The following BACH2 variants were observed in gnomAD, a reference collection of about 807,000 sequenced individuals.
The protein encoded by BACH2 is BACH transcriptional regulator 2, also known as transcription regulator protein BACH2.
A neutral mutation model predicts 61.8 loss-of-function variants in BACH2; 5 were observed. The ratio of observed to expected loss-of-function variants is 0.08; its 90% CI spans 0.04 to 0.17. The LOEUF (loss-of-function observed/expected upper bound fraction) is 0.17. Among genes scored for constraint, BACH2 ranks in the 10% least tolerant of loss-of-function variants. BACH2 has a pLI of 1.00. For missense variants in BACH2, 824 were observed against 1,091.1 expected (o/e 0.76, Z 3.45); for synonymous variants, 446 against 440.1 (o/e 1.01, Z -0.17).
At chr6:90,281,739 T>G (rs1771865110) in intron 1 of BACH2, among the ~76,000 whole-genome samples, 1 of 152,246 alleles carries the variant, frequency 6.6e-6, no homozygotes, top group South Asian at 2.1e-4. Context: ...GCACTTTTAT[T>G]TGTTTAACAA....
At position 89,951,228 on chromosome 6, in the gene BACH2, A is replaced by C; in HGVS notation, c.878T>G (p.Leu293Arg). Residue 293 changes from leucine to arginine, a missense_variant, in exon 7 of 9, where the codon CTG (leucine) becomes CGG (arginine). Physicochemically the swap from Leu to Arg is moderately radical, Grantham distance 102 (BLOSUM62 -2). This residue lies in a region of BACH2 where 226 missense variants were observed against 228.5 expected (regional missense o/e 0.99). Transcript: ENST00000257749. The surrounding 1 kb of genome is among the most constrained non-coding windows in gnomAD (Gnocchi z 6.4). ...ENEEESITLC[L>R]SGDEPDAKDR... ...CTTGGCGTCAGGCTCATCTCCAGACAGGCAGAGCGTGATGCTCTCTTCCTC... is the reference window on the plus strand; with the variant it reads ...CTTGGCGTCAGGCTCATCTCCAGACCGGCAGAGCGTGATGCTCTCTTCCTC... 1 of 1,614,070 alleles carries C rather than the reference A, an allele frequency of 6.2e-7. No individual in the cohort carries two copies. Among genetic ancestry groups the C allele is most frequent in the Non-Finnish European group, 8.5e-7 (1 of 1,180,010 alleles).
At chr6:90,289,650 A>G (rs1418014098) in intron 1 of BACH2, among the ~76,000 whole-genome samples, 1 of 152,204 alleles carries the variant, frequency 6.6e-6, no homozygotes, top group Non-Finnish European at 1.5e-5. Context: ...TGAAACAAGA[A>G]AAATAGCAAA....
chr6:89,959,096 TGCACACACAC>T (rs1280254925), intron 6 of BACH2, among the ~76,000 whole-genome samples: 14 of 106,896 alleles, frequency 1.3e-4, no homozygotes, highest in East Asian at 7.1e-4. Context: ...CATGCACAAG[TGCACACACAC>T]ACACACACAC....
chr6:90,231,092 G>A (rs1001204058), intron 3 of BACH2, among the ~76,000 whole-genome samples: 2 of 152,118 alleles, frequency 1.3e-5, no homozygotes, highest in Non-Finnish European at 2.9e-5. Flanking sequence ...AGCTGAAAGG[G>A]AGGACACAGA....
chr6:90,179,599 G>A (rs1351885125), intron 4 of BACH2, among the ~76,000 whole-genome samples: 3 of 152,068 alleles, frequency 2.0e-5, no homozygotes, highest in African/African-American at 7.2e-5. Flanking sequence ...AAACTATGAA[G>A]CATCTTGTGC....
At chr6:90,148,331 C>T (rs1209995290) in intron 4 of BACH2, among the ~76,000 whole-genome samples, 5 of 152,192 alleles carry the variant, frequency 3.3e-5, no homozygotes, top group Non-Finnish European at 7.3e-5. Flanking sequence ...AGGAAATGAA[C>T]AGGTCCATCC....
At chr6:90,050,612 T>C (rs1779996456) in intron 5 of BACH2, among the ~76,000 whole-genome samples, 2 of 152,180 alleles carry the variant, frequency 1.3e-5, no homozygotes, top group Admixed American at 6.5e-5. Flanking sequence ...TTGAAAAATA[T>C]AGTTTTTTCA....
rs181296146 is a variant in BACH2 at position 90,238,364 on chromosome 6, T to G, written c.-275+14149A>C. Among the ~76,000 whole-genome samples, 513 of 152,376 alleles carry G rather than the reference T, an allele frequency of 3.4e-3. 3 individuals are homozygous for G. Among genetic ancestry groups the G allele is most frequent in the Non-Finnish European group, 5.9e-3 (404 of 68,040 alleles). On this transcript the variant is annotated intron_variant, in intron 3 of 8. Transcript: ENST00000257749. ...GAAACAAGTCATTAGATTTCATTTT[T>G]GGAGTTGTGGCTTTTGATAAAATAT... is the stretch of plus-strand genomic sequence containing the variant.
chr6:90,146,625 C>A (rs901818346), intron 4 of BACH2, among the ~76,000 whole-genome samples: 4 of 152,162 alleles, frequency 2.6e-5, no homozygotes, highest in African/African-American at 4.8e-5. Flanking sequence ...TCAACACACA[C>A]ACAAAATAGA....
intron 5 of BACH2, among the ~76,000 whole-genome samples, chr6:90,077,405 G>C (rs551276708): frequency 6.6e-6 from 1 of 152,104 alleles, no homozygotes; most frequent in Non-Finnish European, 1.5e-5. Context: ...CTTCCATTTC[G>C]TTAACAGAGA....
intron 3 of BACH2, among the ~76,000 whole-genome samples, chr6:90,250,336 G>C (rs1015197022): frequency 6.6e-6 from 1 of 152,128 alleles, no homozygotes; most frequent in African/African-American, 2.4e-5. Context: ...AGCCAGAACT[G>C]CTAAATAATT....
intron 5 of BACH2, among the ~76,000 whole-genome samples, chr6:90,012,790 G>A (rs1052687444): frequency 4.0e-5 from 6 of 151,600 alleles, no homozygotes; most frequent in Non-Finnish European, 5.9e-5. Context: ...CTCAGCCTCC[G>A]GAGTAGCTGG....
In BACH2 at chr6:90,222,413, T is replaced by C. The variant is rs574256370; in HGVS notation, c.-274-15732A>G. ...AAGGCTCAGAGCAAGTAGGATGGCA[T>C]GGAAGAGTCAGAGTCAGAAGATACT... On this transcript the variant is annotated intron_variant, in intron 3 of 8. Coordinates refer to ENST00000257749, the MANE Select transcript of BACH2 (RefSeq NM_021813.4). 3.9e-5 allele frequency among the ~76,000 whole-genome samples: 6 copies of C among 152,278 alleles called. No individual in the cohort carries two copies. In the South Asian group the frequency reaches 1.2e-3, roughly 32 times the overall value.
intron 4 of BACH2, among the ~76,000 whole-genome samples, chr6:90,147,078 C>A (rs1265882652): frequency 6.6e-6 from 1 of 151,526 alleles, no homozygotes; most frequent in Non-Finnish European, 1.5e-5. Flanking sequence ...CCAAACCCAG[C>A]AAAAAGAGGA....
intron 3 of BACH2, among the ~76,000 whole-genome samples, chr6:90,247,438 AG>A (rs1258091704): frequency 6.6e-6 from 1 of 151,264 alleles, no homozygotes; most frequent in African/African-American, 2.4e-5. Flanking sequence ...TATGTTGCCC[AG>A]GCTGGTCTTG....
intron 5 of BACH2, among the ~76,000 whole-genome samples, chr6:90,022,295 C>T (rs186365026): frequency 5.9e-5 from 9 of 152,188 alleles, no homozygotes; most frequent in East Asian, 5.8e-4. Context: ...TAAATGTAAT[C>T]GACATCGGTC....
chr6:90,014,618 G>A (rs183835550), intron 5 of BACH2, among the ~76,000 whole-genome samples: 5,034 of 150,466 alleles, frequency 0.033, 291 homozygotes, highest in African/African-American at 0.12. Context: ...TGGGACTACA[G>A]GTGTGCGCTA....
intron 1 of BACH2, among the ~76,000 whole-genome samples, chr6:90,278,890 C>G (rs921628127): frequency 5.9e-5 from 9 of 151,938 alleles, no homozygotes; most frequent in African/African-American, 2.2e-4. Context: ...TTCTAGTAGC[C>G]ACATTAAAAA....
intron 5 of BACH2, among the ~76,000 whole-genome samples, chr6:90,039,780 A>G (rs1023871714): frequency 2.0e-5 from 3 of 152,230 alleles, no homozygotes; most frequent in African/African-American, 7.2e-5. Context: ...GGCAAGTAAA[A>G]AACAGCGTTT....
Sources: gnomAD v4.1 joint callset for allele counts (sites outside exome capture counted in the v4.1 genomes callset) on GRCh38, gnomAD v4.1.1 for gene constraint, gnomAD v4.1.1 regional missense constraint, Gnocchi (gnomAD v3.1) non-coding constraint, MANE v1.5 for transcripts, NCBI Gene and HGNC (gene_info 2026-07-23, HGNC 2026-07-21) for gene names.